HMGCLL1: variants seen among roughly 807,000 people sequenced by gnomAD.
HMGCLL1 encodes 3-hydroxy-3-methylglutaryl-CoA lyase like 1, also known as 3-hydroxymethyl-3-methylglutaryl-CoA lyase, cytoplasmic.
A neutral mutation model predicts 39.1 loss-of-function variants in HMGCLL1; 36 were observed. The ratio of observed to expected loss-of-function variants is 0.92; its 90% CI spans 0.71 to 1.22. The LOEUF is 1.22. HMGCLL1 is among the 50% of genes most tolerant of loss of function. HMGCLL1 has a pLI of 0.00. For missense variants in HMGCLL1, 451 were observed against 416.5 expected (o/e 1.08, Z -0.72); for synonymous variants, 149 against 144.0 (o/e 1.03, Z -0.25).
chr6:55,543,167 A>T lies in HMGCLL1; in HGVS notation c.109-1027T>A, dbSNP rs6933527. Among the ~76,000 whole-genome samples, 3 of 8,130 alleles carry T rather than the reference A, an allele frequency of 3.7e-4. 1 individual carries two copies. Among genetic ancestry groups the T allele is most frequent in the Admixed American group, 3.5e-3 (1 of 288 alleles). 5.3% of individuals were successfully genotyped at this position (8,130 alleles called of 152,430 possible). Reference sequence around the variant, plus strand: ...TATATATTATATATATTATATATATAATATATAATATATAATATATAATAT... The same window carrying T: ...TATATATTATATATATTATATATATTATATATAATATATAATATATAATAT... On this transcript the variant is annotated intron_variant, in intron 1 of 8. Transcript: ENST00000274901.
chr6:55,579,306 AG>A (rs529910309), upstream of HMGCLL1: 1,241 of 562,892 alleles, frequency 2.2e-3, 11 homozygotes, highest in South Asian at 4.5e-3. Flanking sequence ...GCACCTGAAC[AG>A]GAGAGAAAGG....
chr6:55,603,971 C>T, the HMGCLL1 span, among the ~76,000 whole-genome samples: 1 of 152,040 alleles, frequency 6.6e-6, no homozygotes, highest in African/African-American at 2.4e-5. Flanking sequence ...TAAGTACATA[C>T]AAAAATTATA....
chr6:55,620,216 G>T, the HMGCLL1 span, among the ~76,000 whole-genome samples: 1 of 152,050 alleles, frequency 6.6e-6, no homozygotes, highest in Non-Finnish European at 1.5e-5. Context: ...ACCTATCAGT[G>T]GAATTGCTGG....
intron 1 of HMGCLL1, among the ~76,000 whole-genome samples, chr6:55,564,514 C>T (rs1181259595): frequency 6.6e-6 from 1 of 152,058 alleles, no homozygotes; most frequent in Non-Finnish European, 1.5e-5. Flanking sequence ...ACTTTACACA[C>T]TATGGCTTCA....
intron 7 of HMGCLL1, among the ~76,000 whole-genome samples, chr6:55,460,541 C>G (rs1764513449): frequency 1.3e-5 from 2 of 151,572 alleles, no homozygotes; most frequent in African/African-American, 4.8e-5. Context: ...TTTTTCAAGA[C>G]CAAAAAAGCT....
At chr6:55,552,864 G>A (rs1011562742) in intron 1 of HMGCLL1, among the ~76,000 whole-genome samples, 29 of 151,784 alleles carry the variant, frequency 1.9e-4, no homozygotes, top group Non-Finnish European at 3.7e-4. Context: ...GGTATATGCC[G>A]GGCGTGGTGG....
At chr6:55,665,071 G>A in the HMGCLL1 span, among the ~76,000 whole-genome samples, 2 of 151,694 alleles carry the variant, frequency 1.3e-5, no homozygotes, top group African/African-American at 4.8e-5. Flanking sequence ...TCAAGGAGGA[G>A]GAGTTTATGC....
At chr6:55,530,711 A>G (rs765115489) in intron 3 of HMGCLL1, among the ~76,000 whole-genome samples, 20 of 152,142 alleles carry the variant, frequency 1.3e-4, no homozygotes, top group Non-Finnish European at 2.4e-4. Flanking sequence ...TCGGGATACA[A>G]TATTACTTTC....
At chr6:55,577,830 G>C (rs1283933766) in intron 1 of HMGCLL1, among the ~76,000 whole-genome samples, 1 of 152,166 alleles carries the variant, frequency 6.6e-6, no homozygotes, top group African/African-American at 2.4e-5. Flanking sequence ...TAACATGTGG[G>C]AAGATAAAGG....
intron 1 of HMGCLL1, among the ~76,000 whole-genome samples, chr6:55,564,967 T>C (rs941352897): frequency 2.6e-5 from 4 of 152,060 alleles, no homozygotes; most frequent in South Asian, 2.1e-4. Flanking sequence ...GAATTAATGA[T>C]AGAAGTTGAG....
At chr6:55,464,828 T>G (rs1281441481) in intron 7 of HMGCLL1, among the ~76,000 whole-genome samples, 2 of 152,198 alleles carry the variant, frequency 1.3e-5, no homozygotes, top group South Asian at 2.1e-4. Context: ...CATAATTAAG[T>G]CTTTCAACCT....
At chr6:55,573,757 A>G (rs1771631723) in intron 1 of HMGCLL1, among the ~76,000 whole-genome samples, 1 of 152,146 alleles carries the variant, frequency 6.6e-6, no homozygotes, top group African/African-American at 2.4e-5. Flanking sequence ...AAAGGAAACA[A>G]GAAACAAACA....
intron 7 of HMGCLL1, among the ~76,000 whole-genome samples, chr6:55,483,831 A>G (rs1765866540): frequency 1.3e-5 from 2 of 152,222 alleles, no homozygotes; most frequent in South Asian, 4.1e-4. Context: ...TGTCATGAGG[A>G]CAACATAGAA....
At chr6:55,440,400 T>C (rs888923811) in intron 7 of HMGCLL1, among the ~76,000 whole-genome samples, 3 of 152,110 alleles carry the variant, frequency 2.0e-5, no homozygotes, top group Non-Finnish European at 4.4e-5. Context: ...TTATAGCCTC[T>C]GGAAACATGA....
Position 55,541,858 on chromosome 6 carries a change from T to G in HMGCLL1, c.190-22A>C, listed in dbSNP as rs772889179. The G allele has an allele frequency of 2.2e-6, 3 of 1,374,458 alleles. No homozygotes were observed. The South Asian group carries it at 3.7e-5, about 17-fold the overall frequency. 85.1% of individuals were successfully genotyped at this position (1,374,458 alleles called of 1,614,324 possible). ...TAACCTATGAAAACAAAAAATATTT[T>G]ATAAGTAAATTGTATAGGTCCTATT... On this transcript the variant is annotated intron_variant, in intron 2 of 8. Transcript: ENST00000274901.
intron 7 of HMGCLL1, among the ~76,000 whole-genome samples, chr6:55,476,104 C>A (rs1306440854): frequency 1.3e-5 from 2 of 151,646 alleles, no homozygotes; most frequent in Non-Finnish European, 3.0e-5. Flanking sequence ...ATCCACTTGT[C>A]AATTCCTTGC....
At chr6:55,530,841 T>C (rs1768621821) in intron 3 of HMGCLL1, among the ~76,000 whole-genome samples, 1 of 152,122 alleles carries the variant, frequency 6.6e-6, no homozygotes, top group South Asian at 2.1e-4. Context: ...ATTAGAAAAA[T>C]CACTTTATTT....
chr6:55,505,893 A>G (rs1335044879), intron 5 of HMGCLL1, among the ~76,000 whole-genome samples: 1 of 151,758 alleles, frequency 6.6e-6, no homozygotes, highest in Non-Finnish European at 1.5e-5. Flanking sequence ...CATCCTTGGA[A>G]AAGTTGCCAC....
chr6:55,634,297 A>G, the HMGCLL1 span, among the ~76,000 whole-genome samples: 1 of 152,070 alleles, frequency 6.6e-6, no homozygotes, highest in Non-Finnish European at 1.5e-5. Flanking sequence ...TTGCTAAAAC[A>G]TCTGCTCAGC....
Sources: gnomAD v4.1 joint callset for allele counts (sites outside exome capture counted in the v4.1 genomes callset) on GRCh38, gnomAD v4.1.1 for gene constraint, MANE v1.5 for transcripts, NCBI Gene and HGNC (gene_info 2026-07-23, HGNC 2026-07-21) for gene names.